The following ZCWPW2 variants were observed in gnomAD, a reference collection of about 807,000 sequenced individuals.
ZCWPW2 encodes zinc finger CW-type PWWP domain protein 2.
A neutral mutation model predicts 46.6 loss-of-function variants in ZCWPW2; 45 were observed. The ratio of observed to expected loss-of-function variants is 0.96; its 90% CI spans 0.76 to 1.24. The LOEUF (loss-of-function observed/expected upper bound fraction) is 1.24, where lower values mean the gene tolerates loss of function less well. Among genes scored for constraint, ZCWPW2 ranks in the 50% most tolerant of loss-of-function variants. ZCWPW2 has a pLI of 0.00. For missense variants in ZCWPW2, 429 were observed against 403.9 expected (o/e 1.06, Z -0.53); for synonymous variants, 152 against 137.1 (o/e 1.11, Z -0.76).
chr3:28,489,275 AT>A (rs1182847098), intron 5 of ZCWPW2, among the ~76,000 whole-genome samples: 2 of 152,056 alleles, frequency 1.3e-5, no homozygotes, highest in Non-Finnish European at 2.9e-5. Context: ...AATGATTGAT[AT>A]TTCATTATGA....
chr3:28,500,810 ATATAT>A (rs1700121282), intron 6 of ZCWPW2, among the ~76,000 whole-genome samples: 1 of 152,180 alleles, frequency 6.6e-6, no homozygotes, highest in Admixed American at 6.6e-5. Flanking sequence ...CAGAAGATAA[ATATAT>A]TATAGCAGAT....
At chr3:28,436,824 A>G (rs1479090284) in intron 4 of ZCWPW2, among the ~76,000 whole-genome samples, 1 of 152,174 alleles carries the variant, frequency 6.6e-6, no homozygotes, top group South Asian at 2.1e-4. Flanking sequence ...CACAGAAGAC[A>G]GGATAGAATA....
intron 2 of ZCWPW2, among the ~76,000 whole-genome samples, chr3:28,400,227 A>G (rs1695866403): frequency 6.6e-6 from 1 of 152,140 alleles, no homozygotes; most frequent in Non-Finnish European, 1.5e-5. Flanking sequence ...CCAATCCAAC[A>G]AAGACAAAAA....
At chr3:28,450,432 T>G (rs1698180545) in intron 4 of ZCWPW2, among the ~76,000 whole-genome samples, 1 of 152,234 alleles carries the variant, frequency 6.6e-6, no homozygotes, top group Non-Finnish European at 1.5e-5. Context: ...GAATTTTGAC[T>G]TAATGTTTAT....
chr3:28,368,214 T>G (rs977702711), intron 1 of ZCWPW2, among the ~76,000 whole-genome samples: 18 of 152,162 alleles, frequency 1.2e-4, no homozygotes, highest in Non-Finnish European at 2.2e-4. Flanking sequence ...ATTTTGCTCC[T>G]TAGTTGATGC....
At chr3:28,383,245 C>G (rs1465042282) in intron 1 of ZCWPW2, among the ~76,000 whole-genome samples, 1 of 152,014 alleles carries the variant, frequency 6.6e-6, no homozygotes, top group African/African-American at 2.4e-5. Flanking sequence ...GATGAAAGAA[C>G]CTATGCAAAT....
chr3:28,352,126 GCACACACACACACACACA>G (rs111383620), intron 1 of ZCWPW2, among the ~76,000 whole-genome samples: 2 of 129,706 alleles, frequency 1.5e-5, no homozygotes, highest in Admixed American at 8.1e-5. Flanking sequence ...TCAGATGTAT[GCACACACACACACACACA>G]CACACACACA....
intron 2 of ZCWPW2, among the ~76,000 whole-genome samples, chr3:28,400,674 T>G (rs955542331): frequency 6.6e-6 from 1 of 152,202 alleles, no homozygotes; most frequent in Admixed American, 6.5e-5. Context: ...CCAAGAATTT[T>G]GCTTCCAGCA....
At chr3:28,375,939 A>C (rs1490304696) in intron 1 of ZCWPW2, among the ~76,000 whole-genome samples, 2 of 148,768 alleles carry the variant, frequency 1.3e-5, no homozygotes, top group South Asian at 2.2e-4. Flanking sequence ...CATAATGTCC[A>C]GTTCCATCCA....
At chr3:28,395,511 G>T (rs1409340828) in intron 2 of ZCWPW2, among the ~76,000 whole-genome samples, 3 of 152,132 alleles carry the variant, frequency 2.0e-5, no homozygotes, top group African/African-American at 7.2e-5. Context: ...ACAAACTAAT[G>T]TCCATCAACA....
At chr3:28,455,852 C>T (rs1449657490) in intron 4 of ZCWPW2, among the ~76,000 whole-genome samples, 1 of 152,054 alleles carries the variant, frequency 6.6e-6, no homozygotes, top group African/African-American at 2.4e-5. Flanking sequence ...TGTGTCTGTT[C>T]TGGTACCAGT....
At position 28,515,597 on chromosome 3, in the gene ZCWPW2, G is replaced by T. The variant is rs751247144; in HGVS notation, c.760G>T (p.Asp254Tyr). Reference protein sequence around the residue: ...KCSFENVYSDDALSKENRVVC... With the variant: ...KCSFENVYSDYALSKENRVVC... Reference sequence around the variant, plus strand: ...CTCTTTTGAAAATGTTTATTCTGATGATGCCTTATCAAAGGAGAACAGGGG... The same window carrying T: ...CTCTTTTGAAAATGTTTATTCTGATTATGCCTTATCAAAGGAGAACAGGGG... The change falls in exon 8 of 10, where the codon GAT becomes TAT. Residue 254 changes from aspartate to tyrosine, a missense_variant. Physicochemically the swap from Asp to Tyr is radical, Grantham distance 160. Transcript: ENST00000383768. 2.5e-6 allele frequency: 4 copies of T among 1,606,086 alleles called. No individual in the cohort carries two copies. In the East Asian group the frequency reaches 6.7e-5, roughly 27 times the overall value.
chr3:28,450,611 G>T (rs1214234608), intron 4 of ZCWPW2, among the ~76,000 whole-genome samples: 1 of 152,096 alleles, frequency 6.6e-6, no homozygotes, highest in East Asian at 1.9e-4. Flanking sequence ...GTTCATCTCT[G>T]ATGCTATGAT....
intron 4 of ZCWPW2, among the ~76,000 whole-genome samples, chr3:28,439,239 G>A (rs77477576): frequency 6.6e-6 from 1 of 150,914 alleles, no homozygotes; most frequent in Non-Finnish European, 1.5e-5. Context: ...CTTCAAGCTT[G>A]AGGAGCAAAG....
Position 28,492,154 on chromosome 3 carries a change from C to A in ZCWPW2, c.638C>A (p.Ala213Asp), listed in dbSNP as rs753380968. The part of the protein sequence containing the change: ...QDKSETHDKV[A>D]ALVKKRKQTS... ...AAATCCGAAACACATGACAAAGTTG[C>A]TGCACTGGTCAAGAAAAGGGTAAGA... Residue 213 changes from alanine to aspartate, a missense_variant, in exon 6 of 10, where the codon GCT becomes GAT. By Grantham distance (126) the Ala-to-Asp change is moderately radical. Transcript: ENST00000383768. 1.9e-6 allele frequency: 3 copies of A among 1,608,646 alleles called. No individual in the cohort carries two copies. Among genetic ancestry groups the A allele is most frequent in the Non-Finnish European group, 2.5e-6 (3 of 1,177,734 alleles).
intron 4 of ZCWPW2, among the ~76,000 whole-genome samples, chr3:28,446,773 G>T (rs950610813): frequency 6.6e-6 from 1 of 152,076 alleles, no homozygotes; most frequent in Non-Finnish European, 1.5e-5. Flanking sequence ...CCTTTAGCTA[G>T]ATGGACTAAG....
chr3:28,358,751 G>T (rs1339601561), intron 1 of ZCWPW2, among the ~76,000 whole-genome samples: 1 of 152,016 alleles, frequency 6.6e-6, no homozygotes, highest in African/African-American at 2.4e-5. Context: ...CCAAAACTAA[G>T]AATCCTCTGA....
chr3:28,514,213 A>G (rs1575227969), intron 7 of ZCWPW2, 91 bp downstream of exon 7: 2 of 842,178 alleles, frequency 2.4e-6, no homozygotes, highest in East Asian at 5.3e-5. Flanking sequence ...ACCCTAAACA[A>G]CATCTTTACG....
intron 1 of ZCWPW2, among the ~76,000 whole-genome samples, chr3:28,363,425 AT>A (rs1705012865): frequency 6.6e-6 from 1 of 152,136 alleles, no homozygotes; most frequent in Non-Finnish European, 1.5e-5. Context: ...TTCTTGGCAG[AT>A]TGTTTCTACA....
Sources: gnomAD v4.1 joint callset for allele counts (sites outside exome capture counted in the v4.1 genomes callset) on GRCh38, gnomAD v4.1.1 for gene constraint, MANE v1.5 for transcripts, NCBI Gene and HGNC (gene_info 2026-07-23, HGNC 2026-07-21) for gene names.